HERC1: variants seen among roughly 807,000 people sequenced by gnomAD.
HERC1 encodes the protein probable E3 ubiquitin-protein ligase HERC1.
Under a neutral mutation model 554.3 loss-of-function variants are expected in HERC1, and 160 were observed. The ratio of observed to expected loss-of-function variants is 0.29; its 90% CI spans 0.25 to 0.33. The LOEUF (loss-of-function observed/expected upper bound fraction) is 0.33. HERC1 is among the 10% of genes least tolerant of loss of function. The pLI, the probability that HERC1 is intolerant of heterozygous loss-of-function variation, is 1.00. For missense variants in HERC1, 4,919 were observed against 5,918.5 expected (o/e 0.83, Z 5.54); for synonymous variants, 2,175 against 2,131.7 (o/e 1.02, Z -0.56).
chr15:63,783,703 A>G (rs892070810), intron 1 of HERC1, among the ~76,000 whole-genome samples: 2 of 152,190 alleles, frequency 1.3e-5, no homozygotes, highest in Admixed American at 6.5e-5. Flanking sequence ...CAGTCCTTAA[A>G]TCTATTGGTA....
chr15:63,744,189 T>TCTCTCTC (rs1002957412), intron 12 of HERC1, among the ~76,000 whole-genome samples: 1 of 150,404 alleles, frequency 6.6e-6, no homozygotes, highest in African/African-American at 2.5e-5. Flanking sequence ...TCTCTCTCTC[T>TCTCTCTC]CTCTCTCTGT....
chr15:63,738,815 T>C (rs2074660759), intron 12 of HERC1, among the ~76,000 whole-genome samples: 1 of 152,212 alleles, frequency 6.6e-6, no homozygotes, highest in African/African-American at 2.4e-5. Context: ...AATATAATTT[T>C]TTAAGTTTAC....
Position 63,758,095 on chromosome 15 carries a change from T to C in HERC1, c.1221+80A>G. On this transcript the variant is annotated intron_variant, in intron 4 of 77. Coordinates refer to ENST00000443617, the MANE Select transcript of HERC1 (RefSeq NM_003922.4). This position sits in a 1 kb window ranked among gnomAD's most constrained non-coding sequence, Gnocchi z 4.0. The stretch of plus-strand genomic sequence containing the variant: ...CGATAATTTTCACTCATTTAAAAAA[T>C]ACTCAGTATTATTTAATGCAAATAA... The C allele has an allele frequency of 1.0e-6, 1 of 975,210 alleles. No homozygotes were observed. Among genetic ancestry groups the C allele is most frequent in the Non-Finnish European group, 1.5e-6 (1 of 659,740 alleles). The allele number at this position is 975,210 out of a possible 1,614,324, so 60.4% of individuals were successfully genotyped here. A position where few individuals can be genotyped will look rare whatever the true frequency, so the allele number is the denominator to read the frequency against.
At chr15:63,750,855 C>T (rs1252855768) in intron 8 of HERC1, among the ~76,000 whole-genome samples, 1 of 152,086 alleles carries the variant, frequency 6.6e-6, no homozygotes, top group African/African-American at 2.4e-5. Flanking sequence ...ATCTCTTGAG[C>T]CCAGGAGGTA....
At chr15:63,730,047 A>G (rs1002596426) in intron 14 of HERC1, among the ~76,000 whole-genome samples, 1 of 129,792 alleles carries the variant, frequency 7.7e-6, no homozygotes, top group Non-Finnish European at 1.7e-5. Context: ...AAAAAAAAAA[A>G]GCATTATATC....
intron 1 of HERC1, 66 bp downstream of exon 1, chr15:63,833,737 GCACACACGCGCGCGCGCACACACA>G (rs1287568998): frequency 1.0e-5 from 1 of 96,946 alleles, no homozygotes; most frequent in Admixed American, 1.1e-4. Context: ...GGCCGGCAAA[GCACACACGCGCGCGCGCACACACA>G]CACACACACA....
chr15:63,819,220 G>C (rs74019034), intron 1 of HERC1, among the ~76,000 whole-genome samples: 1,652 of 152,156 alleles, frequency 0.011, 28 homozygotes, highest in African/African-American at 0.038. Flanking sequence ...ATTTCTGGTT[G>C]CATCATTAAA....
intron 19 of HERC1, among the ~76,000 whole-genome samples, chr15:63,719,411 G>T (rs572106463): frequency 1.3e-5 from 2 of 152,360 alleles, no homozygotes; most frequent in African/African-American, 4.8e-5. Context: ...TGCACAGAAT[G>T]GGTAGAAGAC....
intron 1 of HERC1, among the ~76,000 whole-genome samples, chr15:63,802,180 G>A (rs75359430): frequency 0.012 from 1,841 of 152,262 alleles, 38 homozygotes; most frequent in African/African-American, 0.043. Context: ...TGTACTTCTA[G>A]AAGGCTTCAT....
chr15:63,752,199 T>C (rs1482078051), intron 8 of HERC1, among the ~76,000 whole-genome samples: 1 of 152,200 alleles, frequency 6.6e-6, no homozygotes, highest in Non-Finnish European at 1.5e-5. Context: ...AATCAAATTA[T>C]ATGCTGATTT....
chr15:63,665,792 C>T lies in HERC1; in HGVS notation c.8555+127G>A, dbSNP rs1164686391. On this transcript the variant is annotated intron_variant, in intron 42 of 77. Coordinates refer to ENST00000443617, the MANE Select transcript of HERC1 (RefSeq NM_003922.4). ...AATATAAACTTGTAACTAAAATGCCCATCTTTTCATATAACTATATTTATC... is the reference window on the plus strand; with the variant it reads ...AATATAAACTTGTAACTAAAATGCCTATCTTTTCATATAACTATATTTATC... The T allele has an allele frequency of 6.1e-6, 4 of 650,660 alleles. No individual in the cohort carries two copies. In the African/African-American group the frequency reaches 7.3e-5, roughly 12 times the overall value. 40.3% of individuals were successfully genotyped at this position (650,660 alleles called of 1,614,324 possible). A position where few individuals can be genotyped will look rare whatever the true frequency, so the allele number is the denominator to read the frequency against.
rs561233843 is a variant in HERC1, at chr15:63,672,522, C to T, written c.8019G>A (p.Pro2673=). ...TGAGAAGACTAAGAGGCATCACTCC[C>T]GGGGACTCGGATGCAGGCACTGTTT... is the stretch of plus-strand genomic sequence containing the variant. ...DTETVPASES[P]GVMPLSLLRQ... The change falls in exon 39 of 78, where the codon CCG becomes CCA. Residue 2673 remains proline, a synonymous_variant. Transcript: ENST00000443617. The T allele has an allele frequency of 2.2e-5, 36 of 1,601,540 alleles. No homozygotes were observed. In the East Asian group the frequency reaches 2.9e-4, roughly 13 times the overall value.
rs1042247806 is a variant in HERC1, at chr15:63,612,096, G to C, written c.14400+155C>G. On this transcript the variant is annotated intron_variant, in intron 77 of 77. Coordinates refer to ENST00000443617, the MANE Select transcript of HERC1 (RefSeq NM_003922.4). The surrounding 1 kb of genome is among the most constrained non-coding windows in gnomAD (Gnocchi z 5.0). ...CCAGCTACTGCGGAGGCTGAGGCAG[G>C]AGAACTGCTTGAAGCTAGGAAGCGG... Among the ~76,000 whole-genome samples, 1 of 152,204 alleles carries C rather than the reference G, an allele frequency of 6.6e-6. No homozygotes were observed. Among genetic ancestry groups the C allele is most frequent in the African/African-American group, 2.4e-5 (1 of 41,448 alleles).
At chr15:63,663,611 T>C (rs2070465779) in intron 43 of HERC1, among the ~76,000 whole-genome samples, 1 of 152,158 alleles carries the variant, frequency 6.6e-6, no homozygotes. Context: ...CATGCCACCA[T>C]ACCCAGCTAA....
At position 63,753,740 on chromosome 15, in the gene HERC1, T is replaced by A. The variant is rs148911174; in HGVS notation, c.1775-655A>T. 3.6e-3 allele frequency among the ~76,000 whole-genome samples: 549 copies of A among 152,316 alleles called. 1 individual carries two copies. The highest frequency in any genetic ancestry group is 0.013 in the African/African-American group (524 of 41,566). On this transcript the variant is annotated intron_variant, in intron 7 of 77. Transcript: ENST00000443617. ...TAGACATAGATTTAGTCATTCATTGTGTTGTTAATACTGAAAAAAATTGAA... is the reference window on the plus strand; with the variant it reads ...TAGACATAGATTTAGTCATTCATTGAGTTGTTAATACTGAAAAAAATTGAA...
intron 76 of HERC1, among the ~76,000 whole-genome samples, chr15:63,614,019 T>C (rs1004412694): frequency 6.6e-6 from 1 of 152,070 alleles, no homozygotes; most frequent in Non-Finnish European, 1.5e-5. Context: ...GGCTGAGGTA[T>C]GGGGCTGGCT....
intron 24 of HERC1, among the ~76,000 whole-genome samples, chr15:63,709,866 A>T (rs991301002): frequency 6.6e-6 from 1 of 152,246 alleles, no homozygotes; most frequent in Non-Finnish European, 1.5e-5. Context: ...ATTATCAGAC[A>T]TCCTAACAAA....
chr15:63,713,550 C>T lies in HERC1; in HGVS notation c.4266G>A (p.Gln1422=). Residue 1422 remains glutamine (Q), a synonymous_variant, in exon 23 of 78, where the codon CAG becomes CAA. Transcript: ENST00000443617. ...ARADDPPPQS[Q]QERRVSTDLP... Reference sequence around the variant, plus strand: ...GGTCTGTGCTGACCCTTCGCTCTTGCTGAGACTGAGGAGGTGGATCATCAG... The same window carrying T: ...GGTCTGTGCTGACCCTTCGCTCTTGTTGAGACTGAGGAGGTGGATCATCAG... 6.2e-7 allele frequency: 1 copy of T among 1,613,960 alleles called. No individual in the cohort carries two copies. The highest frequency in any genetic ancestry group is 8.5e-7 in the Non-Finnish European group (1 of 1,179,870).
At chr15:63,635,679 C>T (rs1419187848) in intron 65 of HERC1, among the ~76,000 whole-genome samples, 2 of 152,150 alleles carry the variant, frequency 1.3e-5, no homozygotes, top group Non-Finnish European at 2.9e-5. Flanking sequence ...TTAAACCACA[C>T]AATATTCCTT....
Sources: gnomAD v4.1 joint callset for allele counts (sites outside exome capture counted in the v4.1 genomes callset) on GRCh38, gnomAD v4.1.1 for gene constraint, Gnocchi (gnomAD v3.1) non-coding constraint, MANE v1.5 for transcripts, NCBI Gene and HGNC (gene_info 2026-07-23, HGNC 2026-07-21) for gene names.